OPCML: variants seen among roughly 807,000 people sequenced by gnomAD.
The protein encoded by OPCML is opioid-binding protein/cell adhesion molecule.
OPCML carries 13 observed loss-of-function variants against 37.8 expected under a neutral mutation model. That is an observed-to-expected ratio of 0.34 (90% CI 0.22 to 0.55). The LOEUF is 0.55. Among genes scored for constraint, OPCML ranks in the 20% least tolerant of loss-of-function variants. The pLI, the probability that OPCML is intolerant of heterozygous loss-of-function variation, is 0.91. For synonymous variants in OPCML, 176 were observed against 168.8 expected, an observed-to-expected ratio of 1.04 and a Z score of -0.33; for missense variants, 341 against 435.6, an observed-to-expected ratio of 0.78 and a Z score of 1.93.
intron 3 of OPCML, among the ~76,000 whole-genome samples, chr11:132,606,485 T>C (rs1458906677): frequency 6.6e-6 from 1 of 152,216 alleles, no homozygotes; most frequent in Middle Eastern, 3.4e-3. Flanking sequence ...GGGGTTTGCT[T>C]TGTAATTTGA....
At chr11:133,059,009 G>A (rs1438837630) in intron 1 of OPCML, among the ~76,000 whole-genome samples, 2 of 152,164 alleles carry the variant, frequency 1.3e-5, no homozygotes, top group Non-Finnish European at 2.9e-5. Context: ...TCAGGCTTAT[G>A]GTAACTTTGC....
rs143828312 is a variant in OPCML, at chr11:133,417,463, T to TTTTATTTA, written c.61+114793_61+114800dup. ...AAGCAAGTCACTAGCACCTGGATTC[T>TTTTATTTA]TTTATTTATTTATTTATTTATTTAT... On this transcript the variant is annotated intron_variant, in intron 1 of 7. Transcript: ENST00000524381. Among the ~76,000 whole-genome samples, 1,209 of 151,488 alleles carry TTTTATTTA rather than the reference T, an allele frequency of 8.0e-3. 19 individuals carry two copies. Among genetic ancestry groups the TTTTATTTA allele is most frequent in the African/African-American group, 0.027 (1,123 of 41,246 alleles).
intron 2 of OPCML, among the ~76,000 whole-genome samples, chr11:132,716,783 AGTACCTC>A (rs1254700651): frequency 6.6e-6 from 1 of 152,216 alleles, no homozygotes; most frequent in Non-Finnish European, 1.5e-5. Context: ...TCATTTATTA[AGTACCTC>A]GTACAGGCTT....
intron 1 of OPCML, among the ~76,000 whole-genome samples, chr11:133,508,404 C>T: frequency 6.6e-6 from 1 of 152,192 alleles, no homozygotes. Context: ...TTTCTCTGAG[C>T]CTTTATTTGC....
At chr11:132,872,415 T>C (rs1440440472) in intron 2 of OPCML, among the ~76,000 whole-genome samples, 2 of 152,052 alleles carry the variant, frequency 1.3e-5, no homozygotes, top group Non-Finnish European at 1.5e-5. Context: ...AGGTACATAA[T>C]CACTCGTGAC....
At chr11:132,801,638 T>A (rs1285090842) in intron 2 of OPCML, among the ~76,000 whole-genome samples, 2 of 152,234 alleles carry the variant, frequency 1.3e-5, no homozygotes, top group Non-Finnish European at 2.9e-5. Flanking sequence ...TATTTTAAAC[T>A]GCTTTTGACA....
intron 1 of OPCML, among the ~76,000 whole-genome samples, chr11:133,178,876 G>C (rs1267514052): frequency 1.3e-5 from 2 of 152,166 alleles, no homozygotes; most frequent in African/African-American, 4.8e-5. Flanking sequence ...CACACATACA[G>C]TATGCAGATG....
intron 1 of OPCML, among the ~76,000 whole-genome samples, chr11:133,494,790 G>A (rs1296383832): frequency 6.8e-6 from 1 of 147,502 alleles, no homozygotes; most frequent in Non-Finnish European, 1.5e-5. Flanking sequence ...GTTAATGGGT[G>A]CAGCACACCA....
chr11:132,844,643 A>G (rs1347018223), intron 2 of OPCML, among the ~76,000 whole-genome samples: 1 of 152,244 alleles, frequency 6.6e-6, no homozygotes, highest in Non-Finnish European at 1.5e-5. Context: ...GTAAAGGACC[A>G]GATAATAAAT....
chr11:132,819,848 CAT>C (rs879488694), intron 2 of OPCML, among the ~76,000 whole-genome samples: 16 of 152,132 alleles, frequency 1.1e-4, no homozygotes, highest in Non-Finnish European at 2.9e-5. Context: ...CTAAAAAACA[CAT>C]GTTTGTAAGT....
chr11:132,490,575 T>C (rs894548941), intron 4 of OPCML, among the ~76,000 whole-genome samples: 4 of 151,896 alleles, frequency 2.6e-5, no homozygotes, highest in African/African-American at 9.7e-5. Context: ...CTCCAGCACG[T>C]TGGGAGGCCG....
In OPCML at chr11:133,032,809, A is replaced by G. The variant is rs372794385; in HGVS notation, c.62-89799T>C. 3.6e-4 allele frequency among the ~76,000 whole-genome samples: 55 copies of G among 152,262 alleles called. 1 individual carries two copies. In the South Asian group the frequency reaches 1.0e-2, roughly 28 times the overall value. On this transcript the variant is annotated intron_variant, in intron 1 of 7. Transcript: ENST00000524381. Reference sequence around the variant, plus strand: ...GGAATTGGTACAACTCAAAGACTCTAATACAAACATTTTTTCTACTTTCAG... The same window carrying G: ...GGAATTGGTACAACTCAAAGACTCTGATACAAACATTTTTTCTACTTTCAG...
At chr11:132,721,595 G>A (rs1011757527) in intron 2 of OPCML, among the ~76,000 whole-genome samples, 2 of 152,148 alleles carry the variant, frequency 1.3e-5, no homozygotes, top group Non-Finnish European at 2.9e-5. Flanking sequence ...CGATTCAGCT[G>A]CATTTTGAAA....
At chr11:133,275,097 C>T (rs2136491682) in intron 1 of OPCML, among the ~76,000 whole-genome samples, 1 of 152,138 alleles carries the variant, frequency 6.6e-6, no homozygotes, top group East Asian at 1.9e-4. Flanking sequence ...GGTGAGTTTG[C>T]TTGGCAGAAT....
At chr11:132,720,496 A>G (rs1296607123) in intron 2 of OPCML, among the ~76,000 whole-genome samples, 1 of 152,236 alleles carries the variant, frequency 6.6e-6, no homozygotes, top group Non-Finnish European at 1.5e-5. Context: ...TAAAAACTGC[A>G]TTTGCCAAAA....
At chr11:133,469,790 T>C (rs7478691) in intron 1 of OPCML, among the ~76,000 whole-genome samples, 43,571 of 152,058 alleles carry the variant, frequency 0.29, 7,794 homozygotes, top group African/African-American at 0.51. Flanking sequence ...CAGGTTTTTA[T>C]AGATCCTACC....
Position 132,725,843 on chromosome 11 carries a change from C to T in OPCML, c.147-68524G>A, listed in dbSNP as rs190466018. Among the ~76,000 whole-genome samples the T allele has an allele frequency of 1.3e-4, 20 of 151,872 alleles. No individual in the cohort carries two copies. The East Asian group carries it at 2.7e-3, about 21-fold the overall frequency. On this transcript the variant is annotated intron_variant, in intron 2 of 7. Coordinates refer to ENST00000524381, the MANE Select transcript of OPCML (RefSeq NM_001012393.5). ...TACCATAAATCATCTCTCTCACGTT[C>T]AAAGTTCCACAAATCTCTTAGGCAG...
Position 132,420,145 on chromosome 11 carries a change from C to T in OPCML, c.*48G>A. ...TGCTCTCCGCAGTGTAGATTAAAGT[C>T]TGTGATATGGAGAAGCAGGCGTTGC... On this transcript the variant is annotated 3_prime_UTR_variant, in exon 8 of 8. Transcript: ENST00000524381. 1 of 1,542,900 alleles carries T rather than the reference C, an allele frequency of 6.5e-7. No homozygotes were observed.
intron 1 of OPCML, chr11:133,118,384 G>A (rs1344816905): frequency 7.1e-6 from 7 of 985,296 alleles, no homozygotes; most frequent in Non-Finnish European, 7.2e-6. Context: ...ATAAACTGGA[G>A]TCTTTCTCTG....
Sources: allele counts gnomAD v4.1 joint callset (sites outside exome capture counted in the v4.1 genomes callset), GRCh38; gene constraint gnomAD v4.1.1; transcripts MANE v1.5; gene names NCBI Gene and HGNC (gene_info 2026-07-23, HGNC 2026-07-21).